The following JARID2 variants were observed in gnomAD, a reference collection of about 807,000 sequenced individuals.
The protein encoded by JARID2 is jumonji and AT-rich interaction domain containing 2.
Under a neutral mutation model 125.6 loss-of-function variants are expected in JARID2, and 21 were observed. The observed-to-expected ratio is 0.17, with a 90% CI of 0.12 to 0.24. JARID2 has a LOEUF of 0.24. Ranked by LOEUF, JARID2 falls within the 10% of genes least tolerant of loss-of-function variation. The pLI is 1.00. For missense variants in JARID2, 1,303 were observed against 1,639.6 expected, an observed-to-expected ratio of 0.79 and a Z score of 3.55; for synonymous variants, 736 against 661.6, an observed-to-expected ratio of 1.11 and a Z score of -1.73.
intron 3 of JARID2, among the ~76,000 whole-genome samples, chr6:15,430,677 T>C (rs997764448): frequency 6.6e-6 from 1 of 152,140 alleles, no homozygotes; most frequent in Non-Finnish European, 1.5e-5. Flanking sequence ...GGTGATGAAA[T>C]CGCTTTTGTC....
In JARID2 at chr6:15,508,416, A is replaced by C. The variant is rs955536159; in HGVS notation, c.2808A>C (p.Pro936=). 6.2e-7 allele frequency: 1 copy of C among 1,608,606 alleles called. No homozygotes were observed. Reference sequence around the variant, plus strand: ...GGTCTCGAGACCAAAATCACCTTCCATACATTGACTACTTACACACTGGTG... The same window carrying C: ...GGTCTCGAGACCAAAATCACCTTCCCTACATTGACTACTTACACACTGGTG... ...SCWSRDQNHL[P]YIDYLHTGAD... Residue 936 remains proline, a synonymous_variant, in exon 12 of 18, where the codon CCA becomes CCC. Coordinates refer to ENST00000341776, the MANE Select transcript of JARID2 (RefSeq NM_004973.4).
At chr6:15,493,179 G>A (rs1254542498) in intron 6 of JARID2, among the ~76,000 whole-genome samples, 1 of 152,014 alleles carries the variant, frequency 6.6e-6, no homozygotes, top group Non-Finnish European at 1.5e-5. Flanking sequence ...GAGAGACATA[G>A]CACTCTGGTA....
chr6:15,272,972 C>G (rs1760353815), intron 1 of JARID2, among the ~76,000 whole-genome samples: 1 of 152,086 alleles, frequency 6.6e-6, no homozygotes, highest in South Asian at 2.1e-4. Context: ...AATGATTTTT[C>G]TTCCTGGAGT....
rs1411131019 is a variant in JARID2, at chr6:15,312,296, AC to A, written c.46-61818del. 4.6e-5 allele frequency among the ~76,000 whole-genome samples: 7 copies of A among 152,030 alleles called. No individual in the cohort carries two copies. In the East Asian group the frequency reaches 1.4e-3, roughly 29 times the overall value. On this transcript the variant is annotated intron_variant, in intron 1 of 17. Transcript: ENST00000341776. ...GCTCGAACTCCTGACCTCGTGATCC[AC>A]CCGCCTCGGCCTCCCAAAGTGCTGG...
At chr6:15,509,330 G>A in intron 12 of JARID2, 1 of 985,422 alleles carries the variant, frequency 1.0e-6, no homozygotes, top group Non-Finnish European at 1.2e-6. Context: ...CCCTAATGGG[G>A]TGATTAAACA....
chr6:15,374,346 C>T, intron 2 of JARID2, 94 bp downstream of exon 2: 4 of 1,381,092 alleles, frequency 2.9e-6, no homozygotes, highest in Middle Eastern at 1.9e-4. Context: ...GCTTGTGCTT[C>T]CTGGTCTAGG....
chr6:15,325,724 C>G lies in JARID2; in HGVS notation c.46-48393C>G, dbSNP rs141571391. On this transcript the variant is annotated intron_variant, in intron 1 of 17. Transcript: ENST00000341776. ...TCTAGGGATCCCTAGATCATAGTCC[C>G]TTCCTGGGAGTTTCCAAGGCGAAAA... 4.6e-3 allele frequency among the ~76,000 whole-genome samples: 695 copies of G among 152,308 alleles called. 4 individuals are homozygous for G. The highest frequency in any genetic ancestry group is 0.016 in the African/African-American group (662 of 41,540).
At chr6:15,398,800 G>C (rs923608672) in intron 2 of JARID2, among the ~76,000 whole-genome samples, 1 of 152,190 alleles carries the variant, frequency 6.6e-6, no homozygotes, top group African/African-American at 2.4e-5. Context: ...TGTGCACTCT[G>C]AGTGTTTGAG....
rs1442704988 is a variant in JARID2, at chr6:15,415,421, G to A, written c.323+5056G>A. Among the ~76,000 whole-genome samples, 11 of 149,794 alleles carry A rather than the reference G, an allele frequency of 7.3e-5. No homozygotes were observed. The South Asian group carries it at 1.9e-3, about 26-fold the overall frequency. On this transcript the variant is annotated intron_variant, in intron 3 of 17. Coordinates refer to ENST00000341776, the MANE Select transcript of JARID2 (RefSeq NM_004973.4). ...CAGAGGCGCCCCTCACCTCCCAGAC[G>A]GGGCGGCTGGCCGGGCGGGGGGCTG...
rs10577382 is a variant in JARID2, at chr6:15,327,528, AGTGT to A, written c.46-46569_46-46566del. Among the ~76,000 whole-genome samples, 1,016 of 148,944 alleles carry A rather than the reference AGTGT, an allele frequency of 6.8e-3. 5 individuals are homozygous for A. Among genetic ancestry groups the A allele is most frequent in the Non-Finnish European group, 0.01 (684 of 67,034 alleles). Reference sequence around the variant, plus strand: ...GCTGCCATCCCTTCCATTCTGGAAGAGTGTGTGTGTGTGTGTGTGTGTGCGCGTG... The same window carrying A: ...GCTGCCATCCCTTCCATTCTGGAAGAGTGTGTGTGTGTGTGTGTGCGCGTG... On this transcript the variant is annotated intron_variant, in intron 1 of 17. Transcript: ENST00000341776.
intron 1 of JARID2, among the ~76,000 whole-genome samples, chr6:15,346,188 C>T (rs1581438369): frequency 6.6e-6 from 1 of 152,160 alleles, no homozygotes. Context: ...TTTAAATGTG[C>T]TTCCCAAAGA....
chr6:15,375,151 T>C (rs1764304549), intron 2 of JARID2, among the ~76,000 whole-genome samples: 1 of 152,160 alleles, frequency 6.6e-6, no homozygotes, highest in Admixed American at 6.6e-5. Flanking sequence ...ACCTTAGTTG[T>C]ATGGTGAGTT....
chr6:15,313,928 A>G (rs1174122119), intron 1 of JARID2, among the ~76,000 whole-genome samples: 5 of 152,032 alleles, frequency 3.3e-5, no homozygotes, highest in African/African-American at 7.2e-5. Flanking sequence ...ATATCCTTAT[A>G]CCTTCTGCTG....
intron 1 of JARID2, among the ~76,000 whole-genome samples, chr6:15,345,143 C>G (rs1763202596): frequency 6.6e-6 from 1 of 152,088 alleles, no homozygotes; most frequent in Non-Finnish European, 1.5e-5. Flanking sequence ...TTCTTCATTT[C>G]TAAGCTTTTG....
intron 1 of JARID2, among the ~76,000 whole-genome samples, chr6:15,283,225 A>G (rs561427309): frequency 0.019 from 2,770 of 145,312 alleles, 55 homozygotes; most frequent in East Asian, 0.034. Context: ...TGATCTGCCC[A>G]CCTTGGCCTC....
intron 14 of JARID2, 65 bp from the exon 15 acceptor site, chr6:15,512,850 A>G: frequency 6.6e-7 from 1 of 1,511,714 alleles, no homozygotes; most frequent in Non-Finnish European, 9.0e-7. Context: ...CCCTCCACCA[A>G]GAAGAACCTT....
intron 3 of JARID2, among the ~76,000 whole-genome samples, chr6:15,438,776 C>G (rs557161180): frequency 6.6e-6 from 1 of 152,232 alleles, no homozygotes; most frequent in Non-Finnish European, 1.5e-5. Flanking sequence ...CACCTGTAAT[C>G]CCAGCACTTT....
At chr6:15,248,061 T>G in intron 1 of JARID2, 1 of 984,740 alleles carries the variant, frequency 1.0e-6, no homozygotes, top group Non-Finnish European at 1.2e-6. Flanking sequence ...CAGCGTGGGG[T>G]GGGTTTTCTT....
chr6:15,465,840 G>T (rs1768704617), intron 4 of JARID2, among the ~76,000 whole-genome samples: 2 of 150,870 alleles, frequency 1.3e-5, no homozygotes, highest in Admixed American at 6.6e-5. Flanking sequence ...GTCTTGTTCT[G>T]TCGCCCAGCC....
Sources: gnomAD v4.1 joint callset for allele counts (sites outside exome capture counted in the v4.1 genomes callset) on GRCh38, gnomAD v4.1.1 for gene constraint, MANE v1.5 for transcripts, NCBI Gene and HGNC (gene_info 2026-07-23, HGNC 2026-07-21) for gene names.